Variants in RCAN1 observed in about 807,000 individuals in gnomAD.
The protein encoded by RCAN1 is calcipressin-1.
Under a neutral mutation model 22.9 loss-of-function variants are expected in RCAN1, and 11 were observed. The observed-to-expected ratio is 0.48, with a 90% confidence interval of 0.30 to 0.79. RCAN1 has a LOEUF of 0.79. RCAN1 is among the 30% of genes least tolerant of loss of function. The probability of loss-of-function intolerance (pLI) is 0.06; values close to 1 mark genes in which losing one functional copy is unlikely to be tolerated. For synonymous variants in RCAN1, 136 were observed against 142.3 expected (o/e 0.96, Z 0.32); for missense variants, 291 against 337.8 (o/e 0.86, Z 1.09).
chr21:34,590,617 C>G (rs1379643386), intron 1 of RCAN1, among the ~76,000 whole-genome samples: 1 of 152,224 alleles, frequency 6.6e-6, no homozygotes, highest in African/African-American at 2.4e-5. Context: ...ACCTGCTCAG[C>G]ACCTGGTGCC....
intron 1 of RCAN1, among the ~76,000 whole-genome samples, chr21:34,606,254 C>T (rs1568933930): frequency 6.6e-6 from 1 of 152,194 alleles, no homozygotes; most frequent in Non-Finnish European, 1.5e-5. Flanking sequence ...TAGGCCCCTC[C>T]AGCGCAACCC....
intron 1 of RCAN1, chr21:34,526,876 C>T: frequency 6.9e-7 from 1 of 1,451,580 alleles, no homozygotes; most frequent in Non-Finnish European, 9.0e-7. Flanking sequence ...AGCCCCCACT[C>T]CCTGGGGAAA....
At position 34,525,137 on chromosome 21, in the gene RCAN1, T is replaced by C. The variant is rs1209346919; in HGVS notation, c.253-1427A>G. ...GTGTCTCTGCAGTGGGAGCGAGGAT[T>C]CAGGATAAGAGAGGAGAGTGTCTTC... On this transcript the variant is annotated intron_variant, in intron 1 of 3. Coordinates refer to ENST00000313806, the MANE Select transcript of RCAN1 (RefSeq NM_004414.7). The C allele has an allele frequency of 2.6e-6, 4 of 1,550,294 alleles. No individual in the cohort carries two copies. In the African/African-American group the frequency reaches 5.5e-5, roughly 21 times the overall value.
intron 1 of RCAN1, among the ~76,000 whole-genome samples, chr21:34,542,526 A>C (rs1294818347): frequency 7.4e-6 from 1 of 134,614 alleles, no homozygotes. Context: ...AAGTGTGACA[A>C]CTTGGGAGTG....
intron 1 of RCAN1, among the ~76,000 whole-genome samples, chr21:34,579,737 C>G (rs897638384): frequency 3.9e-5 from 6 of 152,200 alleles, no homozygotes; most frequent in African/African-American, 1.2e-4. Context: ...TCGAGAGTCT[C>G]AAAATAGACC....
chr21:34,594,348 T>C (rs548129731), intron 1 of RCAN1, among the ~76,000 whole-genome samples: 2 of 152,166 alleles, frequency 1.3e-5, no homozygotes, highest in African/African-American at 4.8e-5. Context: ...GGTCAAGAGA[T>C]TGAGACCATC....
intron 1 of RCAN1, among the ~76,000 whole-genome samples, chr21:34,558,766 T>C (rs1300993661): frequency 6.6e-6 from 1 of 152,200 alleles, no homozygotes; most frequent in Non-Finnish European, 1.5e-5. Flanking sequence ...AGTAACAAAC[T>C]GAGTTGCACT....
intron 1 of RCAN1, among the ~76,000 whole-genome samples, chr21:34,583,896 AC>A (rs1372885844): frequency 6.6e-6 from 1 of 151,994 alleles, no homozygotes; most frequent in Non-Finnish European, 1.5e-5. Context: ...TATATCACAC[AC>A]ACACACATAC....
At chr21:34,523,751 C>G in intron 1 of RCAN1, 41 bp from the exon 2 acceptor site, 1 of 1,527,174 alleles carries the variant, frequency 6.5e-7, no homozygotes, top group Non-Finnish European at 9.0e-7. Flanking sequence ...TGAAATTTAC[C>G]TGCATATGAC....
At chr21:34,597,186 G>A (rs998459574) in intron 1 of RCAN1, among the ~76,000 whole-genome samples, 1 of 152,206 alleles carries the variant, frequency 6.6e-6, no homozygotes, top group Non-Finnish European at 1.5e-5. Context: ...CCAGCCACAT[G>A]GGGCTATGTC....
At position 34,566,737 on chromosome 21, in the gene RCAN1, G is replaced by A. The variant is rs569521666; in HGVS notation, c.253-43027C>T. Among the ~76,000 whole-genome samples the A allele has an allele frequency of 7.9e-5, 12 of 152,300 alleles. No homozygotes were observed. The South Asian group carries it at 8.3e-4, about 11-fold the overall frequency. On this transcript the variant is annotated intron_variant, in intron 1 of 3. Transcript: ENST00000313806. ...ATGGTTCTGCAGGCTGTACAAGCAC[G>A]CACCAGCTCTGCTCGGCTTCTGGTG...
chr21:34,575,269 C>T (rs774381627), intron 1 of RCAN1, among the ~76,000 whole-genome samples: 2 of 152,210 alleles, frequency 1.3e-5, no homozygotes, highest in Non-Finnish European at 2.9e-5. Context: ...CACAGTTCAC[C>T]TTCTCCCCAT....
chr21:34,557,735 A>C (rs1986633551), intron 1 of RCAN1, among the ~76,000 whole-genome samples: 1 of 152,252 alleles, frequency 6.6e-6, no homozygotes. Context: ...AAAAAAGATG[A>C]TGCTGATAGA....
intron 3 of RCAN1, among the ~76,000 whole-genome samples, chr21:34,519,276 G>C (rs1984290996): frequency 6.6e-6 from 1 of 152,206 alleles, no homozygotes; most frequent in South Asian, 2.1e-4. Flanking sequence ...ATCTGAAATA[G>C]GGGCAGGAGG....
chr21:34,539,301 G>A (rs2834512), intron 1 of RCAN1, among the ~76,000 whole-genome samples: 22,645 of 152,104 alleles, frequency 0.15, 1,744 homozygotes, highest in African/African-American at 0.19. Flanking sequence ...TAATATACAT[G>A]CTAAATTCAT....
chr21:34,517,893 A>G lies in RCAN1; in HGVS notation c.*191T>C. 2 of 644,374 alleles carry G rather than the reference A, an allele frequency of 3.1e-6. No homozygotes were observed. Among genetic ancestry groups the G allele is most frequent in the Non-Finnish European group, 5.3e-6 (2 of 375,832 alleles). 39.9% of individuals were successfully genotyped at this position (644,374 alleles called of 1,614,324 possible). On this transcript the variant is annotated 3_prime_UTR_variant, in exon 4 of 4. Transcript: ENST00000313806. ...TTGGCCCAAGTCATTCCCGGGTGCCATGAACAGTAACTGGTGTGCAGCATT... is the reference window on the plus strand; with the variant it reads ...TTGGCCCAAGTCATTCCCGGGTGCCGTGAACAGTAACTGGTGTGCAGCATT...
chr21:34,528,560 C>G (rs1014546512), intron 1 of RCAN1, among the ~76,000 whole-genome samples: 1 of 152,180 alleles, frequency 6.6e-6, no homozygotes. Flanking sequence ...GTACAGGGAG[C>G]CTTTGTCTGT....
At chr21:34,606,718 T>C (rs1988538065) in intron 1 of RCAN1, among the ~76,000 whole-genome samples, 1 of 152,104 alleles carries the variant, frequency 6.6e-6, no homozygotes, top group African/African-American at 2.4e-5. Context: ...AGTGCTCTTA[T>C]AAGAAGAGAC....
intron 1 of RCAN1, among the ~76,000 whole-genome samples, chr21:34,560,404 T>G (rs1986746366): frequency 6.6e-6 from 1 of 152,156 alleles, no homozygotes; most frequent in Non-Finnish European, 1.5e-5. Flanking sequence ...ACTTTATCAT[T>G]TTTCCATCTT....
Sources: allele counts gnomAD v4.1 joint callset (sites outside exome capture counted in the v4.1 genomes callset), GRCh38; gene constraint gnomAD v4.1.1; transcripts MANE v1.5; gene names NCBI Gene and HGNC (gene_info 2026-07-23, HGNC 2026-07-21).